The following PLD3 variants were observed in gnomAD, a reference collection of about 807,000 sequenced individuals.
PLD3 encodes 5'-3' exonuclease PLD3.
Under a neutral mutation model 58.4 loss-of-function variants are expected in PLD3, and 31 were observed. The observed-to-expected ratio is 0.53, with a 90% CI of 0.40 to 0.72. The LOEUF (loss-of-function observed/expected upper bound fraction) is 0.72, where lower values mean the gene tolerates loss of function less well. Ranked by LOEUF, PLD3 falls within the 30% of genes least tolerant of loss-of-function variation. The pLI, the probability that PLD3 is intolerant of heterozygous loss-of-function variation, is 0.00. For missense variants in PLD3, 595 were observed against 659.8 expected, an observed-to-expected ratio of 0.90 and a Z score of 1.08; for synonymous variants, 264 against 273.4, an observed-to-expected ratio of 0.97 and a Z score of 0.34.
intron 11 of PLD3, 76 bp downstream of exon 11, chr19:40,376,850 T>C: frequency 1.4e-6 from 2 of 1,392,334 alleles, no homozygotes; most frequent in Non-Finnish European, 2.0e-6. Context: ...GGGACTCGTC[T>C]GTCAATGACA....
intron 9 of PLD3, among the ~76,000 whole-genome samples, chr19:40,373,589 AGGG>A (rs1175837178): frequency 5.1e-5 from 6 of 118,048 alleles, no homozygotes; most frequent in South Asian, 3.0e-4. Flanking sequence ...AAAAAAAAAA[AGGG>A]GGGGAAGCGG....
chr19:40,354,765 A>G (rs1012977046), intron 1 of PLD3, among the ~76,000 whole-genome samples: 3 of 150,974 alleles, frequency 2.0e-5, no homozygotes, highest in Non-Finnish European at 4.4e-5. Context: ...ACCTCAAGTG[A>G]TCCACCTGCC....
chr19:40,366,381 T>C (rs2078922638), intron 2 of PLD3, 38 bp from the exon 3 acceptor site: 7 of 965,074 alleles, frequency 7.3e-6, no homozygotes, highest in Admixed American at 5.1e-5. Flanking sequence ...CTGGAAAGCG[T>C]AGAACACCCC....
intron 9 of PLD3, among the ~76,000 whole-genome samples, chr19:40,372,702 A>G (rs1425883306): frequency 3.4e-5 from 5 of 148,478 alleles, no homozygotes; most frequent in Non-Finnish European, 7.4e-5. Context: ...GGGAGACACC[A>G]TTTCTACAAA....
At position 40,366,697 on chromosome 19, in the gene PLD3, C is replaced by T. The variant is rs373930877; in HGVS notation, c.102+13C>T. On this transcript the variant is annotated intron_variant, in intron 4 of 12. Coordinates refer to ENST00000409735, the MANE Select transcript of PLD3 (RefSeq NM_012268.4). ...GGCTGCGGAAAAGGTAGGAGCCCTC[C>T]GCCACCCTCGCTCTGTCTCAGAGAC... 4.3e-6 allele frequency: 7 copies of T among 1,611,830 alleles called. No homozygotes were observed. The highest frequency in any genetic ancestry group is 1.7e-4 in the Middle Eastern group (1 of 6,040).
chr19:40,352,501 CT>C (rs936711731), intron 1 of PLD3, among the ~76,000 whole-genome samples: 3 of 151,126 alleles, frequency 2.0e-5, no homozygotes, highest in Middle Eastern at 3.4e-3. Flanking sequence ...TTTCCTCTCT[CT>C]TTTTTTTTAA....
Position 40,376,712 on chromosome 19 carries a change from C to T in PLD3, c.1123C>T (p.Arg375Trp), listed in dbSNP as rs752779193. 36 of 1,603,146 alleles carry T rather than the reference C, an allele frequency of 2.2e-5. No homozygotes were observed. The highest frequency in any genetic ancestry group is 1.6e-4 in the Middle Eastern group (1 of 6,082). Residue 375 changes from arginine to tryptophan, a missense_variant, in exon 11 of 13, where the codon CGG (arginine) becomes TGG (tryptophan). Transcript: ENST00000409735. ...CTGGGGACACTCGGAGCCATCCATG[C>T]GGGCCTTCCTGCTCTCTCTGGCTGC... Reference protein sequence around the residue: ...SCWGHSEPSMRAFLLSLAALR... With the variant: ...SCWGHSEPSMWAFLLSLAALR...
chr19:40,352,648 A>T lies in PLD3; in HGVS notation c.-279+3880A>T, dbSNP rs2078548181. Among the ~76,000 whole-genome samples, 10 of 152,244 alleles carry T rather than the reference A, an allele frequency of 6.6e-5. 1 individual carries two copies. The South Asian group carries it at 2.1e-3, about 32-fold the overall frequency. On this transcript the variant is annotated intron_variant, in intron 1 of 12. Transcript: ENST00000409735. ...AAATTAAATATATTAAGTCCAATTT[A>T]AAAAAATAAAACAAATATATTAAGT...
intron 1 of PLD3, among the ~76,000 whole-genome samples, chr19:40,363,883 G>A (rs2078848529): frequency 6.6e-6 from 1 of 152,152 alleles, no homozygotes; most frequent in East Asian, 1.9e-4. Flanking sequence ...GGAGTAAGGG[G>A]AGCACCTAGC....
intron 9 of PLD3, among the ~76,000 whole-genome samples, chr19:40,374,216 G>T (rs1442745216): frequency 6.6e-6 from 1 of 152,114 alleles, no homozygotes; most frequent in Admixed American, 6.6e-5. Context: ...CACTGGGTTA[G>T]AGCATAAATT....
At position 40,348,696 on chromosome 19, in the gene PLD3, G is replaced by A; in HGVS notation, c.-351G>A. On this transcript the variant is annotated 5_prime_UTR_variant, in exon 1 of 13. Coordinates refer to ENST00000409735, the MANE Select transcript of PLD3 (RefSeq NM_012268.4). ...AGTGCGCCTGCGCGCGGCTAGGAGG[G>A]GCCGTCAGGCGGGGATACAGCCTGG... 1.5e-6 allele frequency: 1 copy of A among 680,704 alleles called. No individual in the cohort carries two copies. The highest frequency in any genetic ancestry group is 2.2e-6 in the Non-Finnish European group (1 of 454,844). The allele number at this position is 680,704 out of a possible 1,614,324, so 42.2% of individuals were successfully genotyped here. A position where few individuals can be genotyped will look rare whatever the true frequency, so the allele number is the denominator to read the frequency against.
intron 1 of PLD3, chr19:40,357,429 G>C (rs73557791): frequency 6.6e-6 from 1 of 152,238 alleles, no homozygotes; most frequent in African/African-American, 2.4e-5. Flanking sequence ...GGTGTGATCT[G>C]CCTCATGTTT....
intron 1 of PLD3, among the ~76,000 whole-genome samples, chr19:40,353,172 A>T (rs2078560851): frequency 1.3e-5 from 2 of 151,728 alleles, no homozygotes. Flanking sequence ...GCTGATCCCT[A>T]TAATCCCAGC....
At chr19:40,362,777 A>G (rs1240031003) in intron 1 of PLD3, among the ~76,000 whole-genome samples, 1 of 152,126 alleles carries the variant, frequency 6.6e-6, no homozygotes, top group Non-Finnish European at 1.5e-5. Context: ...AGTTAACACA[A>G]TAAGAAAAAT....
chr19:40,353,612 T>C (rs893476610), intron 1 of PLD3, among the ~76,000 whole-genome samples: 24 of 152,082 alleles, frequency 1.6e-4, no homozygotes, highest in African/African-American at 5.8e-4. Flanking sequence ...GGAGTCTTGC[T>C]CTGTCACCCA....
chr19:40,371,809 G>C lies in PLD3; in HGVS notation c.815G>C (p.Arg272Pro). 4 of 1,614,084 alleles carry C rather than the reference G, an allele frequency of 2.5e-6. No individual in the cohort carries two copies. Among genetic ancestry groups the C allele is most frequent in the Non-Finnish European group, 3.4e-6 (4 of 1,180,004 alleles). The stretch of plus-strand genomic sequence containing the variant: ...ACTTGGCCCCGGTTCTATGACACCC[G>C]CTACAACCAAGAGACACCAATGGAG... Reference protein sequence around the residue: ...PSTWPRFYDTRYNQETPMEIC... With the variant: ...PSTWPRFYDTPYNQETPMEIC... The change falls in exon 9 of 13, where the codon CGC (arginine) becomes CCC (proline). Residue 272 changes from arginine (R) to proline (P), a missense_variant. Transcript: ENST00000409735.
At chr19:40,366,585 C>T in intron 3 of PLD3, 25 bp from the exon 4 acceptor site, 16 of 1,581,072 alleles carry the variant, frequency 1.0e-5, no homozygotes, top group Admixed American at 1.8e-5. Context: ...CCACCTGTCA[C>T]CCCCGTTGTT....
intron 1 of PLD3, chr19:40,358,021 G>T (rs1032881331): frequency 7.2e-5 from 11 of 152,154 alleles, no homozygotes; most frequent in African/African-American, 2.2e-4. Context: ...GGGACTCTGA[G>T]ACCCACCCCC....
At chr19:40,355,296 T>G (rs903763570) in intron 1 of PLD3, among the ~76,000 whole-genome samples, 4 of 151,904 alleles carry the variant, frequency 2.6e-5, no homozygotes, top group African/African-American at 9.7e-5. Context: ...TAAGAAGATT[T>G]TTTTTCCTTT....
Sources: allele counts gnomAD v4.1 joint callset (sites outside exome capture counted in the v4.1 genomes callset), GRCh38; gene constraint gnomAD v4.1.1; transcripts MANE v1.5; gene names NCBI Gene and HGNC (gene_info 2026-07-23, HGNC 2026-07-21).